ARL2BP: variants seen among roughly 807,000 people sequenced by gnomAD.
The protein encoded by ARL2BP is ARF like GTPase 2 binding protein.
A neutral mutation model predicts 24.2 loss-of-function variants in ARL2BP; 19 were observed. That is an observed-to-expected ratio of 0.79 (90% CI 0.55 to 1.15). ARL2BP has a LOEUF of 1.15. ARL2BP is among the 50% of genes most tolerant of loss of function. The pLI is 0.00. For missense variants in ARL2BP, 160 were observed against 190.4 expected (o/e 0.84, Z 0.94); for synonymous variants, 56 against 70.5 (o/e 0.79, Z 1.03).
chr16:57,245,949 G>A (rs1266697284), intron 1 of ARL2BP, 131 bp from the exon 2 acceptor site: 3 of 819,298 alleles, frequency 3.7e-6, no homozygotes, highest in Non-Finnish European at 6.1e-6. Context: ...ATTCTTAATC[G>A]TTGAAGATGG....
intron 3 of ARL2BP, chr16:57,248,896 G>T: frequency 5.1e-6 from 1 of 197,310 alleles, no homozygotes; most frequent in Non-Finnish European, 1.0e-5. Context: ...GGGCTTGGTA[G>T]CACACCTGTA....
chr16:57,245,540 C>T (rs2075387590), intron 1 of ARL2BP, 135 bp downstream of exon 1: 1 of 1,173,406 alleles, frequency 8.5e-7, no homozygotes, highest in Non-Finnish European at 1.2e-6. Context: ...GCCGCCAAGG[C>T]GCCGTCCCAG....
In ARL2BP at chr16:57,246,409, C is replaced by A. The variant is rs555380585; in HGVS notation, c.100+268C>A. ...GGCACCAGCAGTGTGGCGTTCTTCG[C>A]AAAACTATAGGAAATAATGATCTAC... On this transcript the variant is annotated intron_variant, in intron 2 of 5. Transcript: ENST00000219204. 2.4e-3 allele frequency: 932 copies of A among 387,302 alleles called. 2 individuals are homozygous for A. Among genetic ancestry groups the A allele is most frequent in the Non-Finnish European group, 2.9e-3 (622 of 216,162 alleles). The allele number at this position is 387,302 out of a possible 1,614,324, so 24.0% of individuals were successfully genotyped here.
rs2075389537 is a variant in ARL2BP at position 57,246,089 on chromosome 16, C to T, written c.48C>T (p.Ala16=). The T allele has an allele frequency of 1.2e-6, 2 of 1,613,962 alleles. No individual in the cohort carries two copies. The highest frequency in any genetic ancestry group is 2.2e-5 in the South Asian group (2 of 91,064). The part of the protein sequence containing the change: ...GESFALSFSS[A]SDAEFDAVVG... ...CAGGCATGTTTTTCAGCTCCTCCGC[C>T]TCTGATGCAGAATTTGATGCTGTGG... The change falls in exon 2 of 6, where the codon GCC becomes GCT. Residue 16 remains alanine, a synonymous_variant. Transcript: ENST00000219204.
At position 57,253,318 on chromosome 16, in the gene ARL2BP, T is replaced by G. The variant is rs1249893114; in HGVS notation, c.*1051T>G. 1.3e-5 allele frequency: 2 copies of G among 152,254 alleles called. No homozygotes were observed. Among genetic ancestry groups the G allele is most frequent in the African/African-American group, 4.8e-5 (2 of 41,478 alleles). 9.4% of individuals were successfully genotyped at this position (152,254 alleles called of 1,614,324 possible). A position where few individuals can be genotyped will look rare whatever the true frequency, so the allele number is the denominator to read the frequency against. On this transcript the variant is annotated 3_prime_UTR_variant, in exon 6 of 6. Transcript: ENST00000219204. Reference sequence around the variant, plus strand: ...TGGTGTTCCACTGTCCAGCCCAGCATGAGTAGCAGGTAGAGCACAGCTTTA... The same window carrying G: ...TGGTGTTCCACTGTCCAGCCCAGCAGGAGTAGCAGGTAGAGCACAGCTTTA...
intron 2 of ARL2BP, chr16:57,247,505 G>GGA (rs2075393939): frequency 6.6e-6 from 1 of 151,654 alleles, no homozygotes; most frequent in East Asian, 1.9e-4. Flanking sequence ...GGCACCATAG[G>GGA]GAGAACCCTG....
In ARL2BP at chr16:57,248,574, C is replaced by T. The variant is rs771882265; in HGVS notation, c.138C>T (p.Asp46=). The T allele has an allele frequency of 1.9e-6, 3 of 1,604,916 alleles. No homozygotes were observed. Among genetic ancestry groups the T allele is most frequent in the Admixed American group, 1.7e-5 (1 of 58,696 alleles). ...EFQLLQRNFM[D]KYYLEFEDTE... ...AGTTATTACAGAGAAATTTCATGGA[C>T]AAGTACTACCTGGAGTTTGAAGACA... The change falls in exon 3 of 6, where the codon GAC becomes GAT. Residue 46 remains aspartate (D), a synonymous_variant. Coordinates refer to ENST00000219204, the MANE Select transcript of ARL2BP (RefSeq NM_012106.4).
In ARL2BP at chr16:57,252,267, G is replaced by C; in HGVS notation, c.492G>C (p.Ter164TyrextTer22). 6.2e-7 allele frequency: 1 copy of C among 1,614,190 alleles called. No homozygotes were observed. Among genetic ancestry groups the C allele is most frequent in the South Asian group, 1.1e-5 (1 of 91,086 alleles). The change falls in exon 6 of 6, where the codon TAG (stop) becomes TAC (tyrosine). Residue 164 changes from the stop codon to tyrosine (Y), a stop_lost. Coordinates refer to ENST00000219204, the MANE Select transcript of ARL2BP (RefSeq NM_012106.4). The part of the protein sequence containing the change: ...LPASQNNLRH[*>Y] ...CTTCCCAGAACAATCTGCGGCACTAGGTCCTACCTCCAGCCAATGAATGGG... is the reference window on the plus strand; with the variant it reads ...CTTCCCAGAACAATCTGCGGCACTACGTCCTACCTCCAGCCAATGAATGGG...
chr16:57,251,324 C>G (rs2075406903), intron 5 of ARL2BP: 1 of 151,678 alleles, frequency 6.6e-6, no homozygotes, highest in Non-Finnish European at 1.5e-5. Flanking sequence ...CCGCTTGAGC[C>G]CAGAAGGTTG....
chr16:57,246,427 T>C (rs1184672768), intron 2 of ARL2BP: 7 of 338,286 alleles, frequency 2.1e-5, no homozygotes, highest in Non-Finnish European at 3.8e-5. Context: ...TAGGAAATAA[T>C]GATCTACTCT....
intron 4 of ARL2BP, chr16:57,250,070 G>A: frequency 1.7e-6 from 1 of 600,880 alleles, no homozygotes; most frequent in Non-Finnish European, 2.9e-6. Flanking sequence ...AAGGGAGGAG[G>A]ATCACTTGAG....
intron 5 of ARL2BP, chr16:57,251,586 ATC>A (rs1466519662): frequency 3.5e-5 from 5 of 143,860 alleles, no homozygotes; most frequent in African/African-American, 1.3e-4. Context: ...CAAGACCCCT[ATC>A]TCAAAAAAAA....
intron 2 of ARL2BP, among the ~76,000 whole-genome samples, chr16:57,247,635 A>G (rs979738372): frequency 9.2e-5 from 14 of 152,214 alleles, no homozygotes; most frequent in African/African-American, 3.4e-4. Flanking sequence ...GATAACTACC[A>G]TAAACCATTC....
At chr16:57,250,341 G>T in intron 4 of ARL2BP, 70 bp from the exon 5 acceptor site, 1 of 1,441,888 alleles carries the variant, frequency 6.9e-7, no homozygotes, top group Non-Finnish European at 9.7e-7. Context: ...GTGGTGGAAA[G>T]AAAAACGAAA....
Position 57,250,459 on chromosome 16 carries a change from C to T in ARL2BP, c.342C>T (p.Thr114=). The T allele has an allele frequency of 6.2e-7, 1 of 1,614,220 alleles. No individual in the cohort carries two copies. The highest frequency in any genetic ancestry group is 8.5e-7 in the Non-Finnish European group (1 of 1,180,046). The part of the protein sequence containing the change: ...VAGDIFDMLL[T]FTDFLAFKEM... ...GTGACATATTCGACATGCTGCTCAC[C>T]TTCACAGATTTTCTGGCTTTTAAAG... The change falls in exon 5 of 6, where the codon ACC becomes ACT. Residue 114 remains threonine, a synonymous_variant. Coordinates refer to ENST00000219204, the MANE Select transcript of ARL2BP (RefSeq NM_012106.4).
rs1342540609 is a variant in ARL2BP at position 57,253,192 on chromosome 16, A to C, written c.*925A>C. On this transcript the variant is annotated 3_prime_UTR_variant, in exon 6 of 6. Coordinates refer to ENST00000219204, the MANE Select transcript of ARL2BP (RefSeq NM_012106.4). ...TCCTATAGCATGTTAGTGTGTTTGC[A>C]TGTTTGCTGAAAATCCTTTGTGTAT... 6.6e-6 allele frequency: 1 copy of C among 152,608 alleles called. No homozygotes were observed. Among genetic ancestry groups the C allele is most frequent in the Non-Finnish European group, 1.5e-5 (1 of 68,032 alleles). 9.5% of individuals were successfully genotyped at this position (152,608 alleles called of 1,614,324 possible).
At position 57,252,388 on chromosome 16, in the gene ARL2BP, T is replaced by TAA. The variant is rs1225138276; in HGVS notation, c.*122_*123dup. 1.9e-6 allele frequency: 3 copies of TAA among 1,558,626 alleles called. No individual in the cohort carries two copies. Among genetic ancestry groups the TAA allele is most frequent in the Admixed American group, 3.8e-5 (2 of 52,850 alleles). ...CTGTTATGTAACTCTTCATTTATGT[T>TAA]AAGTATTAATAGGTCAAAACCAAAA... On this transcript the variant is annotated 3_prime_UTR_variant, in exon 6 of 6. Transcript: ENST00000219204.
chr16:57,248,997 T>TA (rs566940951), intron 3 of ARL2BP: 2,108 of 150,546 alleles, frequency 0.014, 19 homozygotes, highest in African/African-American at 0.019. Flanking sequence ...TCTCTGTCTC[T>TA]AAAAAAAAAA....
intron 3 of ARL2BP, 99 bp downstream of exon 3, chr16:57,248,742 C>T (rs1029940372): frequency 1.2e-5 from 7 of 591,908 alleles, no homozygotes; most frequent in African/African-American, 5.8e-5. Flanking sequence ...TTAAAATATG[C>T]CACCAGTACA....
Sources: gnomAD v4.1 joint callset for allele counts (sites outside exome capture counted in the v4.1 genomes callset) on GRCh38, gnomAD v4.1.1 for gene constraint, MANE v1.5 for transcripts, NCBI Gene and HGNC (gene_info 2026-07-23, HGNC 2026-07-21) for gene names.